Variants in ZNF592 observed in about 807,000 individuals in gnomAD.
ZNF592 encodes spinocerebellar ataxia, autosomal recessive 5.
ZNF592 carries 11 observed loss-of-function variants against 80.3 expected under a neutral mutation model. The observed-to-expected ratio is 0.14, with a 90% CI of 0.09 to 0.23. The LOEUF is 0.23. ZNF592 is among the 10% of genes least tolerant of loss of function. The probability of loss-of-function intolerance (pLI) is 1.00; values close to 1 mark genes in which losing one functional copy is unlikely to be tolerated. For synonymous variants in ZNF592, 646 were observed against 640.3 expected, an observed-to-expected ratio of 1.01 and a Z score of -0.13; for missense variants, 1,420 against 1,633.9, an observed-to-expected ratio of 0.87 and a Z score of 2.26.
intron 2 of ZNF592, among the ~76,000 whole-genome samples, chr15:84,773,821 A>G (rs1962163542): frequency 6.6e-6 from 1 of 151,962 alleles, no homozygotes; most frequent in Non-Finnish European, 1.5e-5. Flanking sequence ...AATCTCTGAG[A>G]TTTCGCAGGA....
chr15:84,784,852 T>G lies in ZNF592; in HGVS notation c.2177T>G (p.Leu726Arg). Residue 726 changes from leucine to arginine, a missense_variant, in exon 4 of 11, where the codon CTG becomes CGG. Coordinates refer to ENST00000560079, the MANE Select transcript of ZNF592 (RefSeq NM_014630.3). This position sits in a 1 kb window ranked among gnomAD's most constrained non-coding sequence, Gnocchi z 5.8. ...CHKQMRDYMVLAAHFQRTTEE... is the reference protein window; with the variant it reads ...CHKQMRDYMVRAAHFQRTTEE... ...AAGCAGATGCGGGACTACATGGTCC[T>G]GGCTGCACATTTCCAGAGGACAACA... The G allele has an allele frequency of 6.2e-7, 1 of 1,614,152 alleles. No homozygotes were observed. Among genetic ancestry groups the G allele is most frequent in the Non-Finnish European group, 8.5e-7 (1 of 1,180,038 alleles).
At chr15:84,751,659 C>A (rs1008092782) in intron 1 of ZNF592, among the ~76,000 whole-genome samples, 1 of 151,274 alleles carries the variant, frequency 6.6e-6, no homozygotes, top group Non-Finnish European at 1.5e-5. Flanking sequence ...AATCCCAGCA[C>A]TGTGGGACAC....
intron 1 of ZNF592, among the ~76,000 whole-genome samples, chr15:84,750,339 C>A (rs1240420218): frequency 1.3e-5 from 2 of 152,310 alleles, no homozygotes; most frequent in East Asian, 3.9e-4. Flanking sequence ...TATTCAACAA[C>A]AAATATTTGT....
At chr15:84,780,633 C>G (rs919863676) in intron 3 of ZNF592, among the ~76,000 whole-genome samples, 3 of 152,132 alleles carry the variant, frequency 2.0e-5, no homozygotes, top group African/African-American at 4.8e-5. Flanking sequence ...TCTGTGAGAA[C>G]TCATATGCAG....
chr15:84,784,005 G>T lies in ZNF592; in HGVS notation c.1330G>T (p.Gly444Trp). The T allele has an allele frequency of 6.2e-7, 1 of 1,611,084 alleles. No homozygotes were observed. The highest frequency in any genetic ancestry group is 8.5e-7 in the Non-Finnish European group (1 of 1,177,698). ...EAGTNSGSPQ[G>W]ARKGDESMTK... ...AGGCACAAATTCAGGGAGCCCCCAG[G>T]GGGCCAGGAAAGGGGACGAGAGCAT... is the stretch of plus-strand genomic sequence containing the variant. Residue 444 changes from glycine to tryptophan, a missense_variant, in exon 4 of 11, where the codon GGG (glycine) becomes TGG (tryptophan). Coordinates refer to ENST00000560079, the MANE Select transcript of ZNF592 (RefSeq NM_014630.3). The surrounding 1 kb of genome is among the most constrained non-coding windows in gnomAD (Gnocchi z 5.8).
At chr15:84,795,231 TTTC>T (rs1318958489) in intron 5 of ZNF592, among the ~76,000 whole-genome samples, 8 of 152,198 alleles carry the variant, frequency 5.3e-5, no homozygotes, top group African/African-American at 1.9e-4. Flanking sequence ...TTAATGTTAT[TTTC>T]TTATTTGTGA....
At position 84,750,703 on chromosome 15, in the gene ZNF592, A is replaced by T. The variant is rs565857549; in HGVS notation, c.-259+2039A>T. Reference sequence around the variant, plus strand: ...AGAGACCGATTTGAGTTGGGGGCTCAGGGAAGCCTTCCCTGGGGAAGTGAT... The same window carrying T: ...AGAGACCGATTTGAGTTGGGGGCTCTGGGAAGCCTTCCCTGGGGAAGTGAT... On this transcript the variant is annotated intron_variant, in intron 1 of 10. Transcript: ENST00000560079. 2.6e-5 allele frequency among the ~76,000 whole-genome samples: 4 copies of T among 152,308 alleles called. No homozygotes were observed. In the South Asian group the frequency reaches 8.3e-4, roughly 32 times the overall value.
chr15:84,788,677 T>G (rs975095951), intron 4 of ZNF592, among the ~76,000 whole-genome samples: 1 of 152,232 alleles, frequency 6.6e-6, no homozygotes, highest in Non-Finnish European at 1.5e-5. Flanking sequence ...TCCAGAACTC[T>G]TCATGTTGCA....
chr15:84,787,066 G>C (rs1016494249), intron 4 of ZNF592, among the ~76,000 whole-genome samples: 1 of 151,956 alleles, frequency 6.6e-6, no homozygotes, highest in Admixed American at 6.6e-5. Flanking sequence ...TGCCCAGGCC[G>C]GTCTTGAACT....
At chr15:84,751,518 T>C (rs1284178682) in intron 1 of ZNF592, among the ~76,000 whole-genome samples, 1 of 152,232 alleles carries the variant, frequency 6.6e-6, no homozygotes, top group Non-Finnish European at 1.5e-5. Flanking sequence ...ACAGTTGTTG[T>C]ACAGATTAAG....
intron 2 of ZNF592, among the ~76,000 whole-genome samples, chr15:84,767,758 C>T (rs975494628): frequency 6.6e-6 from 1 of 152,092 alleles, no homozygotes; most frequent in African/African-American, 2.4e-5. Context: ...AAAAATATAG[C>T]AGCTTTATTG....
At chr15:84,785,745 T>C (rs867246934) in intron 4 of ZNF592, among the ~76,000 whole-genome samples, 1 of 152,090 alleles carries the variant, frequency 6.6e-6, no homozygotes, top group Non-Finnish European at 1.5e-5. Flanking sequence ...GACAGACATG[T>C]GGGGCCTGTG....
In ZNF592 at chr15:84,806,185, C is replaced by A. The variant is rs1963229413; in HGVS notation, c.*3792C>A. 1.3e-5 allele frequency: 2 copies of A among 152,228 alleles called. No homozygotes were observed. Among genetic ancestry groups the A allele is most frequent in the South Asian group, 4.1e-4 (2 of 4,820 alleles). 9.4% of individuals were successfully genotyped at this position (152,228 alleles called of 1,614,324 possible). A position where few individuals can be genotyped will look rare whatever the true frequency, so the allele number is the denominator to read the frequency against. ...TCAGGGTCTGATCTGACCAAGACAGCACCTTCTAGATTCTAGAATGTGTCC... is the reference window on the plus strand; with the variant it reads ...TCAGGGTCTGATCTGACCAAGACAGAACCTTCTAGATTCTAGAATGTGTCC... On this transcript the variant is annotated 3_prime_UTR_variant, in exon 11 of 11. Transcript: ENST00000560079.
intron 1 of ZNF592, among the ~76,000 whole-genome samples, chr15:84,755,890 G>T (rs2141959166): frequency 6.6e-6 from 1 of 152,326 alleles, no homozygotes; most frequent in South Asian, 2.1e-4. Flanking sequence ...GATTGGGATA[G>T]TCCCTGAATT....
chr15:84,755,257 C>G (rs1210264722), intron 1 of ZNF592, among the ~76,000 whole-genome samples: 1 of 151,662 alleles, frequency 6.6e-6, no homozygotes, highest in East Asian at 1.9e-4. Flanking sequence ...TGAGTCACTG[C>G]ACCTGGCTGA....
At chr15:84,789,243 C>CA (rs35184729) in intron 4 of ZNF592, among the ~76,000 whole-genome samples, 31 of 139,696 alleles carry the variant, frequency 2.2e-4, no homozygotes, top group East Asian at 1.0e-3. Flanking sequence ...GACCCTGTCT[C>CA]AAAAAAAAAA....
chr15:84,768,676 A>G (rs1002430277), intron 2 of ZNF592, among the ~76,000 whole-genome samples: 6 of 152,164 alleles, frequency 3.9e-5, no homozygotes, highest in Non-Finnish European at 7.3e-5. Context: ...GACATCGGCC[A>G]ATAGGCACCC....
Position 84,783,843 on chromosome 15 carries a change from A to G in ZNF592, c.1168A>G (p.Thr390Ala), listed in dbSNP as rs746536809. 6.2e-7 allele frequency: 1 copy of G among 1,614,220 alleles called. No homozygotes were observed. Among genetic ancestry groups the G allele is most frequent in the Non-Finnish European group, 8.5e-7 (1 of 1,180,040 alleles). ...IKTSSGEIKRTVTRILPDPDD... is the reference protein window; with the variant it reads ...IKTSSGEIKRAVTRILPDPDD... ...GACATCATCAGGGGAAATCAAACGG[A>G]CTGTCACAAGGATCCTGCCAGATCC... The change falls in exon 4 of 11, where the codon ACT becomes GCT. Residue 390 changes from threonine to alanine, a missense_variant. This residue lies in a region of ZNF592 where 524 missense variants were observed against 628.3 expected (regional missense o/e 0.83). Transcript: ENST00000560079. This position sits in a 1 kb window ranked among gnomAD's most constrained non-coding sequence, Gnocchi z 5.0.
At position 84,782,837 on chromosome 15, in the gene ZNF592, G is replaced by T; in HGVS notation, c.162G>T (p.Leu54Phe). ...TATGTATGGATGAAAGTGTGTCCTT[G>T]TCTCACTCAGGATCAGCCCCCGATG... ...PGICMDESVS[L>F]SHSGSAPDVP... The change falls in exon 4 of 11, where the codon TTG becomes TTT. Residue 54 changes from leucine to phenylalanine, a missense_variant. Leu to Phe is a conservative substitution (Grantham distance 22). This residue lies in a region of ZNF592 where 373 missense variants were observed against 355.5 expected (regional missense o/e 1.05). Transcript: ENST00000560079. The T allele has an allele frequency of 6.2e-7, 1 of 1,614,138 alleles. No individual in the cohort carries two copies. The highest frequency in any genetic ancestry group is 8.5e-7 in the Non-Finnish European group (1 of 1,180,038).
Sources: allele counts gnomAD v4.1 joint callset (sites outside exome capture counted in the v4.1 genomes callset), GRCh38; gene constraint gnomAD v4.1.1; regional missense constraint gnomAD v4.1.1; non-coding constraint Gnocchi (gnomAD v3.1); transcripts MANE v1.5; gene names NCBI Gene and HGNC (gene_info 2026-07-23, HGNC 2026-07-21).